Variants in PPP1R10 observed in about 807,000 individuals in gnomAD.
PPP1R10 encodes protein phosphatase 1 regulatory subunit 10, also known as serine/threonine-protein phosphatase 1 regulatory subunit 10.
Under a neutral mutation model 99.0 loss-of-function variants are expected in PPP1R10, and 15 were observed. That is an observed-to-expected ratio of 0.15 (90% CI 0.10 to 0.23). The LOEUF (loss-of-function observed/expected upper bound fraction) is 0.23. Ranked by LOEUF, PPP1R10 falls within the 10% of genes least tolerant of loss-of-function variation. The pLI, the probability that PPP1R10 is intolerant of heterozygous loss-of-function variation, is 1.00. For missense variants in PPP1R10, 947 were observed against 1,259.4 expected (o/e 0.75, Z 3.75); for synonymous variants, 430 against 449.5 (o/e 0.96, Z 0.55).
chr6:30,608,571 G>A (rs1804211000), intron 5 of PPP1R10, among the ~76,000 whole-genome samples: 1 of 152,152 alleles, frequency 6.6e-6, no homozygotes. Flanking sequence ...AAAGTGCTGG[G>A]ATCACAGGCG....
At chr6:30,607,215 A>G (rs560600735) in intron 6 of PPP1R10, among the ~76,000 whole-genome samples, 109 of 152,348 alleles carry the variant, frequency 7.2e-4, no homozygotes, top group African/African-American at 1.9e-3. Context: ...AATCACCATT[A>G]AAGAACTTAT....
At position 30,606,266 on chromosome 6, in the gene PPP1R10, G is replaced by A. The variant is rs1240869478; in HGVS notation, c.635-23C>T. 3.1e-6 allele frequency: 5 copies of A among 1,611,358 alleles called. No homozygotes were observed. The highest frequency in any genetic ancestry group is 1.7e-5 in the Admixed American group (1 of 59,958). On this transcript the variant is annotated intron_variant, in intron 8 of 19. Transcript: ENST00000376511. The surrounding 1 kb of genome is among the most constrained non-coding windows in gnomAD (Gnocchi z 6.3). ...GTCCTGGGGAAAGAAGCACGGTGTG[G>A]GCAGCTGAACTCAAACCCCAGACCC...
At chr6:30,612,653 C>T (rs1804673167) in intron 2 of PPP1R10, among the ~76,000 whole-genome samples, 1 of 152,104 alleles carries the variant, frequency 6.6e-6, no homozygotes, top group African/African-American at 2.4e-5. Flanking sequence ...CTCATGATGG[C>T]CTTCCTTCAG....
intron 10 of PPP1R10, 140 bp from the exon 11 acceptor site, chr6:30,605,234 G>T: frequency 1.5e-6 from 1 of 683,056 alleles, no homozygotes; most frequent in Non-Finnish European, 2.5e-6. Context: ...GGACCAGGAA[G>T]CACATGCAGG....
Position 30,605,934 on chromosome 6 carries a change from A to T in PPP1R10, c.842T>A (p.Ile281Asn). ...CACTTTAGACTCACGCTGTGGCGGG[A>T]TGATCTTCACTTTGATCTCTTTGGT... ...NATKEIKVKI[I>N]PPQPMEGLGF... The change falls in exon 10 of 20, where the codon ATC (isoleucine) becomes AAC (asparagine). Residue 281 changes from isoleucine to asparagine, a missense_variant. By Grantham distance (149) the Ile-to-Asn change is moderately radical (BLOSUM62 -3). Transcript: ENST00000376511. 1 of 1,611,948 alleles carries T rather than the reference A, an allele frequency of 6.2e-7. No individual in the cohort carries two copies. The highest frequency in any genetic ancestry group is 8.5e-7 in the Non-Finnish European group (1 of 1,178,996).
rs547284702 is a variant in PPP1R10, at chr6:30,604,558, C to T, written c.1102+30G>A. Reference sequence around the variant, plus strand: ...GACCCAGATCCCTCCTTTCAGAAAACCCCCCAAACTGAACCAGTTTCTAGA... The same window carrying T: ...GACCCAGATCCCTCCTTTCAGAAAATCCCCCAAACTGAACCAGTTTCTAGA... On this transcript the variant is annotated intron_variant, in intron 12 of 19. Coordinates refer to ENST00000376511, the MANE Select transcript of PPP1R10 (RefSeq NM_002714.4). This position sits in a 1 kb window ranked among gnomAD's most constrained non-coding sequence, Gnocchi z 7.3. 8 of 1,612,710 alleles carry T rather than the reference C, an allele frequency of 5.0e-6. No individual in the cohort carries two copies. In the East Asian group the frequency reaches 8.9e-5, roughly 18 times the overall value.
rs1020238326 is a variant in PPP1R10 at position 30,610,014 on chromosome 6, C to T, written c.-11-59G>A. On this transcript the variant is annotated intron_variant, in intron 2 of 19. Transcript: ENST00000376511. ...GAATAAATGGGTGGCAAGGACTACC[C>T]GAGTAGGCCCTCTAATAAACCACAT... 6.7e-6 allele frequency: 7 copies of T among 1,048,848 alleles called. No individual in the cohort carries two copies. The African/African-American group carries it at 1.1e-4, about 17-fold the overall frequency. 65.0% of individuals were successfully genotyped at this position (1,048,848 alleles called of 1,614,324 possible). A position where few individuals can be genotyped will look rare whatever the true frequency, so the allele number is the denominator to read the frequency against.
intron 5 of PPP1R10, among the ~76,000 whole-genome samples, chr6:30,608,441 A>G (rs956004648): frequency 2.6e-5 from 4 of 151,810 alleles, no homozygotes; most frequent in African/African-American, 9.7e-5. Flanking sequence ...AGCTGGGACT[A>G]CAGGCGCATG....
In PPP1R10 at chr6:30,609,303, G is replaced by A; in HGVS notation, c.108-140C>T. ...GAAGGGGAGTCACATATACCTCTAG[G>A]AAGATGGGATGGATCCAGTGTGACA... is the stretch of plus-strand genomic sequence containing the variant. On this transcript the variant is annotated intron_variant, in intron 3 of 19. Coordinates refer to ENST00000376511, the MANE Select transcript of PPP1R10 (RefSeq NM_002714.4). This position sits in a 1 kb window ranked among gnomAD's most constrained non-coding sequence, Gnocchi z 4.5. 1.4e-6 allele frequency: 1 copy of A among 706,440 alleles called. No individual in the cohort carries two copies. The allele number at this position is 706,440 out of a possible 1,614,324, so 43.8% of individuals were successfully genotyped here.
In PPP1R10 at chr6:30,609,518, C is replaced by A. The variant is rs1005140369; in HGVS notation, c.107+320G>T. Reference sequence around the variant, plus strand: ...TCTCCCCTGAAAAACCTGAGAATCCCTGAAGGAAAATAACATTATGGGTAG... The same window carrying A: ...TCTCCCCTGAAAAACCTGAGAATCCATGAAGGAAAATAACATTATGGGTAG... On this transcript the variant is annotated intron_variant, in intron 3 of 19. Transcript: ENST00000376511. This position sits in a 1 kb window ranked among gnomAD's most constrained non-coding sequence, Gnocchi z 4.5. 9.9e-5 allele frequency among the ~76,000 whole-genome samples: 15 copies of A among 152,272 alleles called. 1 individual carries two copies. The highest frequency in any genetic ancestry group is 7.7e-4 in the East Asian group (4 of 5,186).
chr6:30,601,338 C>G lies in PPP1R10; in HGVS notation c.*211G>C, dbSNP rs1803291106. 1.7e-6 allele frequency: 1 copy of G among 573,916 alleles called. No homozygotes were observed. The highest frequency in any genetic ancestry group is 3.1e-6 in the Non-Finnish European group (1 of 322,844). 35.6% of individuals were successfully genotyped at this position (573,916 alleles called of 1,614,324 possible). A position where few individuals can be genotyped will look rare whatever the true frequency, so the allele number is the denominator to read the frequency against. On this transcript the variant is annotated 3_prime_UTR_variant, in exon 20 of 20. Coordinates refer to ENST00000376511, the MANE Select transcript of PPP1R10 (RefSeq NM_002714.4). ...TCAGCAGTCCAGGAACGTTTCCAGT[C>G]TCTCTCCTCCCCAGACTGGAGGAAA...
In PPP1R10 at chr6:30,605,084, G is replaced by A. The variant is rs1320880283; in HGVS notation, c.864C>T (p.Gly288=). ...AATTAAGAGCATCCAGAAAGCCCAG[G>A]CCCTCCATAGCTACAAAAAGAAAGA... ...VKIIPPQPME[G]LGFLDALNSA... is the part of the protein sequence containing the mutation. The change falls in exon 11 of 20, where the codon GGC becomes GGT. Residue 288 remains glycine (G), a synonymous_variant. Coordinates refer to ENST00000376511, the MANE Select transcript of PPP1R10 (RefSeq NM_002714.4). 5.0e-6 allele frequency: 8 copies of A among 1,612,542 alleles called. No individual in the cohort carries two copies. Among genetic ancestry groups the A allele is most frequent in the Admixed American group, 1.7e-5 (1 of 59,954 alleles).
chr6:30,603,164 T>C (rs1803551108), intron 17 of PPP1R10, 46 bp downstream of exon 17: 11 of 1,563,424 alleles, frequency 7.0e-6, no homozygotes, highest in Non-Finnish European at 9.7e-6. Flanking sequence ...CCAACTCCAC[T>C]GCAGGCTTCC....
chr6:30,607,881 G>C lies in PPP1R10; in HGVS notation c.341C>G (p.Ala114Gly). 1 of 1,613,048 alleles carries C rather than the reference G, an allele frequency of 6.2e-7. No homozygotes were observed. Among genetic ancestry groups the C allele is most frequent in the Non-Finnish European group, 8.5e-7 (1 of 1,180,020 alleles). ...CTTGCTCAGCTGCTTCACCAGTTTA[G>C]CTGTGTTGTTCTATGAGAGATGGGA... ...TVDHLKQNNTAKLVKQLSKSS... is the reference protein window; with the variant it reads ...TVDHLKQNNTGKLVKQLSKSS... Residue 114 changes from alanine to glycine, a missense_variant, in exon 6 of 20, where the codon GCT becomes GGT. This residue lies in a region of PPP1R10 where 4 missense variants were observed against 27.6 expected (regional missense o/e 0.14). Coordinates refer to ENST00000376511, the MANE Select transcript of PPP1R10 (RefSeq NM_002714.4).
In PPP1R10 at chr6:30,606,682, T is replaced by C. The variant is rs1803986602; in HGVS notation, c.461-41A>G. The C allele has an allele frequency of 1.9e-6, 3 of 1,613,500 alleles. 1 individual carries two copies. Among genetic ancestry groups the C allele is most frequent in the Admixed American group, 3.3e-5 (2 of 59,960 alleles). Reference sequence around the variant, plus strand: ...AAAGCAGAAAAGGATTTTATTTAGATGAACACTGTCAGAGGTGAAGCAGAC... The same window carrying C: ...AAAGCAGAAAAGGATTTTATTTAGACGAACACTGTCAGAGGTGAAGCAGAC... On this transcript the variant is annotated intron_variant, in intron 7 of 19. Transcript: ENST00000376511. This position sits in a 1 kb window ranked among gnomAD's most constrained non-coding sequence, Gnocchi z 6.3.
chr6:30,611,336 A>G (rs1481712491), intron 2 of PPP1R10, among the ~76,000 whole-genome samples: 2 of 152,174 alleles, frequency 1.3e-5, no homozygotes, highest in Non-Finnish European at 2.9e-5. Context: ...AAAACCACCA[A>G]AAAAGAAAGC....
In PPP1R10 at chr6:30,602,299, G is replaced by A; in HGVS notation, c.2350C>T (p.His784Tyr). The change falls in exon 19 of 20, where the codon CAT becomes TAT. Residue 784 changes from histidine to tyrosine, a missense_variant. Around this residue, in one of 10 missense-constraint regions of PPP1R10, gnomAD observed 525 missense variants for 578.8 expected, o/e 0.91. Transcript: ENST00000376511. The surrounding 1 kb of genome is among the most constrained non-coding windows in gnomAD (Gnocchi z 6.7). ...CCCATGCTACCACCAGGGCCTTCAT[G>A]GGGGCGATGCCCACTTCCCATGCCA... The part of the protein sequence containing the change: ...GGGMGSGHRP[H>Y]EGPGGSMGGG... 1.2e-6 allele frequency: 2 copies of A among 1,612,792 alleles called. No individual in the cohort carries two copies. Among genetic ancestry groups the A allele is most frequent in the Non-Finnish European group, 8.5e-7 (1 of 1,179,844 alleles).
At position 30,606,435 on chromosome 6, in the gene PPP1R10, A is replaced by G. The variant is rs369127754; in HGVS notation, c.634+33T>C. On this transcript the variant is annotated intron_variant, in intron 8 of 19. Transcript: ENST00000376511. This position sits in a 1 kb window ranked among gnomAD's most constrained non-coding sequence, Gnocchi z 6.3. ...TAAGGCTCTGGGTGTGCACATGCCC[A>G]TGAACCCTCCAGAGGCCAGCCGCCA... 3.1e-6 allele frequency: 5 copies of G among 1,610,578 alleles called. No homozygotes were observed. The highest frequency in any genetic ancestry group is 1.3e-5 in the African/African-American group (1 of 74,822).
Position 30,609,879 on chromosome 6 carries a change from A to T in PPP1R10, c.66T>A (p.Asp22Glu). 6.2e-7 allele frequency: 1 copy of T among 1,613,782 alleles called. No homozygotes were observed. Among genetic ancestry groups the T allele is most frequent in the African/African-American group, 1.3e-5 (1 of 74,916 alleles). Residue 22 changes from aspartate (D) to glutamate (E), a missense_variant, in exon 3 of 20, where the codon GAT becomes GAA. Physicochemically the swap from Asp to Glu is conservative, Grantham distance 45. Coordinates refer to ENST00000376511, the MANE Select transcript of PPP1R10 (RefSeq NM_002714.4). The surrounding 1 kb of genome is among the most constrained non-coding windows in gnomAD (Gnocchi z 4.5). ...TCCCATCCACACTTTTGACTTCCCCATCTCGGTTAAGGAAGCTGTCCAGGC... is the reference window on the plus strand; with the variant it reads ...TCCCATCCACACTTTTGACTTCCCCTTCTCGGTTAAGGAAGCTGTCCAGGC... ...LKGLDSFLNR[D>E]GEVKSVDGIS...
Sources: allele counts gnomAD v4.1 joint callset (sites outside exome capture counted in the v4.1 genomes callset), GRCh38; gene constraint gnomAD v4.1.1; regional missense constraint gnomAD v4.1.1; non-coding constraint Gnocchi (gnomAD v3.1); transcripts MANE v1.5; gene names NCBI Gene and HGNC (gene_info 2026-07-23, HGNC 2026-07-21).